ABCA13: variants seen among roughly 807,000 people sequenced by gnomAD.
The protein encoded by ABCA13 is ATP binding cassette subfamily A member 13, also known as ATP-binding cassette sub-family A member 13.
In ABCA13, 476 loss-of-function variants were observed where a neutral mutation model predicts 478.7. The ratio of observed to expected loss-of-function variants is 0.99; its 90% CI spans 0.92 to 1.07. ABCA13 has a LOEUF of 1.07. Among genes scored for constraint, ABCA13 ranks in the 50% least tolerant of loss-of-function variants. The pLI is 0.00. For missense variants in ABCA13, 6,060 were observed against 5,910.6 expected, an observed-to-expected ratio of 1.03 and a Z score of -0.83; for synonymous variants, 2,252 against 2,158.9, an observed-to-expected ratio of 1.04 and a Z score of -1.20.
chr7:48,536,647 C>CAA (rs67382689), intron 55 of ABCA13, among the ~76,000 whole-genome samples: 1 of 131,412 alleles, frequency 7.6e-6, no homozygotes. Context: ...GACTCCATCT[C>CAA]AAAAAAAAAA....
At chr7:48,352,519 T>G (rs747835764) in intron 31 of ABCA13, 32 bp downstream of exon 31, 1 of 1,536,678 alleles carries the variant, frequency 6.5e-7, no homozygotes, top group Non-Finnish European at 8.8e-7. Context: ...CCACCGACAG[T>G]GAGAAGGGCC....
rs17132208 is a variant in ABCA13, at chr7:48,278,803, T to A, written c.7609T>A (p.Ser2537Thr). The A allele has an allele frequency of 1.9e-6, 3 of 1,613,888 alleles. No individual in the cohort carries two copies. In the East Asian group the frequency reaches 6.7e-5, roughly 36 times the overall value. The stretch of plus-strand genomic sequence containing the variant: ...GGTCAAGAAAGTTTCGGGGAAGATG[T>A]CCACAGTTTTTAAAACTCATTTTAT... ...KLVKKVSGKM[S>T]TVFKTHFISN... Residue 2537 changes from serine (S) to threonine (T), a missense_variant, in exon 18 of 62, where the codon TCC (serine) becomes ACC (threonine). By Grantham distance (58) the Ser-to-Thr change is moderately conservative. This residue lies in a region of ABCA13 where 4,423 missense variants were observed against 4,309.1 expected (regional missense o/e 1.03). Transcript: ENST00000435803.
chr7:48,291,449 A>C (rs1482320707), intron 20 of ABCA13, among the ~76,000 whole-genome samples: 1 of 152,142 alleles, frequency 6.6e-6, no homozygotes, highest in African/African-American at 2.4e-5. Flanking sequence ...AACACCAGGG[A>C]TGGTTCCCAA....
chr7:48,608,400 T>C (rs938234823), intron 58 of ABCA13, among the ~76,000 whole-genome samples: 1 of 152,248 alleles, frequency 6.6e-6, no homozygotes, highest in African/African-American at 2.4e-5. Context: ...CCTATGTGCA[T>C]GTGGACAGCC....
At position 48,332,575 on chromosome 7, in the gene ABCA13, C is replaced by T. The variant is rs574168834; in HGVS notation, c.10000-2847C>T. On this transcript the variant is annotated intron_variant, in intron 27 of 61. Transcript: ENST00000435803. ...AAAACAGTATGGTCTGTTGTATTCA[C>T]CCACATTTCTGCTCTGTTGTTTTTT... Among the ~76,000 whole-genome samples, 3 of 152,330 alleles carry T rather than the reference C, an allele frequency of 2.0e-5. No homozygotes were observed. The East Asian group carries it at 5.8e-4, about 29-fold the overall frequency.
rs1796158999 is a variant in ABCA13 at position 48,275,348 on chromosome 7, G to A, written c.5682G>A (p.Val1894=). 2.5e-6 allele frequency: 4 copies of A among 1,613,772 alleles called. No homozygotes were observed. The highest frequency in any genetic ancestry group is 3.4e-6 in the Non-Finnish European group (4 of 1,179,858). Residue 1894 remains valine (V), a synonymous_variant, in exon 17 of 62, where the codon GTG becomes GTA. Transcript: ENST00000435803. The part of the protein sequence containing the change: ...RKVVCIIHEL[V]DWNSILLELS... The stretch of plus-strand genomic sequence containing the variant: ...TGGTCTGCATAATTCATGAATTAGT[G>A]GACTGGAATTCTATTCTTCTGGAGC...
At chr7:48,432,573 T>G (rs1422676537) in intron 42 of ABCA13, among the ~76,000 whole-genome samples, 3 of 152,146 alleles carry the variant, frequency 2.0e-5, no homozygotes, top group Non-Finnish European at 4.4e-5. Context: ...TCAACCTAAG[T>G]GTTCATCAAC....
At position 48,376,465 on chromosome 7, in the gene ABCA13, A is replaced by G. The variant is rs757865006; in HGVS notation, c.11228A>G (p.Gln3743Arg). The G allele has an allele frequency of 5.6e-6, 9 of 1,613,748 alleles. No individual in the cohort carries two copies. The Admixed American group carries it at 1.3e-4, about 24-fold the overall frequency. ...ETGIQWNNMY[Q>R]ALEQGGMTFG... ...GGGATTCAATGGAATAATATGTACCAGGCTCTGGAACAAGGGGGCATGACA... is the reference window on the plus strand; with the variant it reads ...GGGATTCAATGGAATAATATGTACCGGGCTCTGGAACAAGGGGGCATGACA... The change falls in exon 35 of 62, where the codon CAG (glutamine) becomes CGG (arginine). Residue 3743 changes from glutamine to arginine, a missense_variant. Physicochemically the swap from Gln to Arg is conservative, Grantham distance 43 (BLOSUM62 1). Around this residue, in one of 3 missense-constraint regions of ABCA13, gnomAD observed 4,423 missense variants for 4,309.1 expected, o/e 1.03. Coordinates refer to ENST00000435803, the MANE Select transcript of ABCA13 (RefSeq NM_152701.5).
intron 2 of ABCA13, among the ~76,000 whole-genome samples, 199 bp downstream of exon 2, chr7:48,193,251 C>G (rs961581876): frequency 6.6e-6 from 1 of 152,168 alleles, no homozygotes; most frequent in Non-Finnish European, 1.5e-5. Flanking sequence ...GATATTCACA[C>G]AGGTTCACTC....
chr7:48,538,776 G>C (rs1833767536), intron 55 of ABCA13, among the ~76,000 whole-genome samples: 1 of 152,240 alleles, frequency 6.6e-6, no homozygotes. Flanking sequence ...TTACGCAAGA[G>C]TCTATTCCTA....
chr7:48,395,744 T>C (rs1816754768), intron 38 of ABCA13, among the ~76,000 whole-genome samples: 1 of 152,222 alleles, frequency 6.6e-6, no homozygotes, highest in African/African-American at 2.4e-5. Context: ...TTTTTTCCTC[T>C]AGCTTGCCTC....
intron 1 of ABCA13, among the ~76,000 whole-genome samples, chr7:48,174,395 T>C (rs1251121761): frequency 6.6e-6 from 1 of 152,178 alleles, no homozygotes; most frequent in Non-Finnish European, 1.5e-5. Flanking sequence ...AGCAAATCAG[T>C]ATATGCTTTT....
chr7:48,368,058 T>A, intron 32 of ABCA13, 150 bp downstream of exon 32: 1 of 536,958 alleles, frequency 1.9e-6, no homozygotes, highest in Non-Finnish European at 3.3e-6. Flanking sequence ...TGAGTCCCTG[T>A]TCCAGAAAGA....
chr7:48,526,603 G>A (rs1585705702), intron 54 of ABCA13, among the ~76,000 whole-genome samples: 1 of 152,092 alleles, frequency 6.6e-6, no homozygotes, highest in Non-Finnish European at 1.5e-5. Flanking sequence ...TATAGCCTAC[G>A]ACACACCTAG....
chr7:48,481,047 T>G lies in ABCA13; in HGVS notation c.12987T>G (p.Asn4329Lys). The change falls in exon 46 of 62, where the codon AAT becomes AAG. Residue 4329 changes from asparagine to lysine, a missense_variant. By Grantham distance (94) the Asn-to-Lys change is moderately conservative. This residue lies in a region of ABCA13 where 1,627 missense variants were observed against 1,571.0 expected (regional missense o/e 1.04). Transcript: ENST00000435803. ...GAAAACAATTTCAGAAGTGTCCAAA[T>G]AGAAGTGCTAGTGCTCCCTACCTGA... is the stretch of plus-strand genomic sequence containing the variant. ...QDSCGCLKCP[N>K]RSASAPYLTN... 1.3e-6 allele frequency: 2 copies of G among 1,592,720 alleles called. No homozygotes were observed. Among genetic ancestry groups the G allele is most frequent in the South Asian group, 1.2e-5 (1 of 86,952 alleles).
chr7:48,309,194 T>G (rs891754775), intron 23 of ABCA13, among the ~76,000 whole-genome samples: 1 of 151,998 alleles, frequency 6.6e-6, no homozygotes, highest in African/African-American at 2.4e-5. Flanking sequence ...ATGGTTCCTA[T>G]TCACATAGGT....
chr7:48,181,249 T>C (rs1795665093), intron 1 of ABCA13, among the ~76,000 whole-genome samples: 1 of 152,216 alleles, frequency 6.6e-6, no homozygotes. Context: ...TTTTTCCTTA[T>C]ATAACTTGCC....
chr7:48,350,945 C>A, intron 30 of ABCA13, 126 bp downstream of exon 30: 1 of 1,012,912 alleles, frequency 9.9e-7, no homozygotes, highest in Non-Finnish European at 1.4e-6. Context: ...CCAGATAAAA[C>A]ATAAAATAAA....
At chr7:48,447,422 T>C (rs4917018) in intron 42 of ABCA13, among the ~76,000 whole-genome samples, 77,087 of 152,004 alleles carry the variant, frequency 0.51, 19,707 homozygotes, top group East Asian at 0.68. Context: ...ATACTGTGAG[T>C]AGCTGCATTT....
Sources: allele counts gnomAD v4.1 joint callset (sites outside exome capture counted in the v4.1 genomes callset), GRCh38; gene constraint gnomAD v4.1.1; regional missense constraint gnomAD v4.1.1; transcripts MANE v1.5; gene names NCBI Gene and HGNC (gene_info 2026-07-23, HGNC 2026-07-21).